Variants in RRP12 observed in about 807,000 individuals in gnomAD.
RRP12 encodes RRP12-like protein.
In RRP12, 78 loss-of-function variants were observed where a neutral mutation model predicts 157.3. The observed-to-expected ratio is 0.50, with a 90% confidence interval of 0.41 to 0.60. The LOEUF (loss-of-function observed/expected upper bound fraction) is 0.60, where lower values mean the gene tolerates loss of function less well. Ranked by LOEUF, RRP12 falls within the 20% of genes least tolerant of loss-of-function variation. The pLI is 0.00. For synonymous variants in RRP12, 726 were observed against 670.9 expected (o/e 1.08, Z -1.27); for missense variants, 1,521 against 1,679.9 (o/e 0.91, Z 1.65).
At chr10:97,370,099 T>C in intron 24 of RRP12, 68 bp downstream of exon 24, 1 of 1,133,926 alleles carries the variant, frequency 8.8e-7, no homozygotes, top group Non-Finnish European at 1.3e-6. Context: ...GGAGCCACTT[T>C]ATCCTGACCT....
intron 3 of RRP12, among the ~76,000 whole-genome samples, chr10:97,394,405 A>G (rs1844897405): frequency 6.6e-6 from 1 of 152,172 alleles, no homozygotes; most frequent in Non-Finnish European, 1.5e-5. Flanking sequence ...AGATAGATAG[A>G]TAGTTTTTTT....
Position 97,370,806 on chromosome 10 carries a change from A to G in RRP12, c.2503-10T>C. 6.2e-7 allele frequency: 1 copy of G among 1,613,466 alleles called. No homozygotes were observed. Among genetic ancestry groups the G allele is most frequent in the Non-Finnish European group, 8.5e-7 (1 of 1,179,610 alleles). ...GGCACTTCAAACGGGGCTGTGGGCA[A>G]AGGGCTACCAGTCAGGACCCCTCAA... On this transcript the variant is annotated splice_polypyrimidine_tract_variant and intron_variant, in intron 21 of 33. Coordinates refer to ENST00000370992, the MANE Select transcript of RRP12 (RefSeq NM_015179.4).
intron 5 of RRP12, 57 bp downstream of exon 5, chr10:97,390,682 C>G (rs746665355): frequency 1.4e-6 from 2 of 1,440,206 alleles, no homozygotes; most frequent in Non-Finnish European, 9.8e-7. Flanking sequence ...CTAAGCATCA[C>G]CAAATCAGAC....
chr10:97,363,819 G>T, intron 30 of RRP12, 35 bp downstream of exon 30: 2 of 1,589,628 alleles, frequency 1.3e-6, no homozygotes, highest in Non-Finnish European at 1.7e-6. Context: ...GCTTAGGTCT[G>T]AAGCCCTAGC....
At chr10:97,400,257 G>A (rs1418951266) in intron 2 of RRP12, 48 bp downstream of exon 2, 19 of 1,399,698 alleles carry the variant, frequency 1.4e-5, no homozygotes, top group East Asian at 2.3e-5. Context: ...AAAGGCATGA[G>A]TTGGCCTCTC....
At chr10:97,362,657 A>C (rs1589410308) in intron 30 of RRP12, among the ~76,000 whole-genome samples, 1 of 152,114 alleles carries the variant, frequency 6.6e-6, no homozygotes. Flanking sequence ...GAGGGGCAGG[A>C]GGGTTTTCAG....
intron 26 of RRP12, 35 bp downstream of exon 26, chr10:97,367,006 C>T: frequency 1.9e-6 from 3 of 1,612,240 alleles, no homozygotes; most frequent in Non-Finnish European, 2.5e-6. Flanking sequence ...CGGCCCCTCG[C>T]TTGCCCTACC....
chr10:97,363,798 G>A (rs905117982), intron 30 of RRP12, 56 bp downstream of exon 30: 3 of 1,475,824 alleles, frequency 2.0e-6, no homozygotes, highest in African/African-American at 2.8e-5. Context: ...GTGAGAAGCT[G>A]TGGAGCCCAG....
Position 97,381,769 on chromosome 10 carries a change from G to C in RRP12, c.1266C>G (p.Thr422=), listed in dbSNP as rs766939518. ...CTTGCGAGTGTGGGGAAAGGAGGCA[G>C]GTCACCGCAGTTCCAAAAAAGCGAG... ...HLPRFFGTAV[T]CLLSPHSQVL... The change falls in exon 11 of 34, where the codon ACC becomes ACG. Residue 422 remains threonine (T), a synonymous_variant. Coordinates refer to ENST00000370992, the MANE Select transcript of RRP12 (RefSeq NM_015179.4). 5 of 1,614,060 alleles carry C rather than the reference G, an allele frequency of 3.1e-6. No individual in the cohort carries two copies. In the African/African-American group the frequency reaches 6.7e-5, roughly 22 times the overall value.
At chr10:97,360,989 G>A (rs1022063798) in intron 30 of RRP12, among the ~76,000 whole-genome samples, 1 of 152,294 alleles carries the variant, frequency 6.6e-6, no homozygotes, top group East Asian at 1.9e-4. Flanking sequence ...AGAGAGAATA[G>A]CTTTACCAGT....
intron 23 of RRP12, 66 bp downstream of exon 23, chr10:97,370,389 T>C (rs1450607730): frequency 2.9e-6 from 4 of 1,394,956 alleles, no homozygotes; most frequent in African/African-American, 1.4e-5. Flanking sequence ...CCCACCTTTT[T>C]TGAGGGGTGC....
chr10:97,379,178 G>A (rs1844391875), intron 15 of RRP12, 115 bp downstream of exon 15: 1 of 1,258,378 alleles, frequency 7.9e-7, no homozygotes, highest in African/African-American at 1.5e-5. Context: ...GAGGGATGTT[G>A]CCAAACGTCT....
In RRP12 at chr10:97,401,311, T is replaced by G; in HGVS notation, c.-80A>C. ...GAAACACGCTCAGAACCCACGTGGA[T>G]ACCCTGTAGCCTTCACTTCCTCTTC... On this transcript the variant is annotated 5_prime_UTR_variant, in exon 1 of 34. Coordinates refer to ENST00000370992, the MANE Select transcript of RRP12 (RefSeq NM_015179.4). The G allele has an allele frequency of 2.6e-6, 4 of 1,543,998 alleles. No individual in the cohort carries two copies. Among genetic ancestry groups the G allele is most frequent in the Non-Finnish European group, 3.6e-6 (4 of 1,122,170 alleles).
At position 97,370,916 on chromosome 10, in the gene RRP12, C is replaced by A. The variant is rs1021369163; in HGVS notation, c.2502+7G>T. The A allele has an allele frequency of 3.7e-6, 6 of 1,613,840 alleles. No individual in the cohort carries two copies. In the African/African-American group the frequency reaches 6.7e-5, roughly 18 times the overall value. ...CTCGGCAGAGCGGGTGGCCCTAGAG[C>A]CCTCACCCTCTTGGCGGGTGAGGAG... is the stretch of plus-strand genomic sequence containing the variant. On this transcript the variant is annotated splice_region_variant and intron_variant, in intron 21 of 33. Transcript: ENST00000370992.
Position 97,400,323 on chromosome 10 carries a change from G to C in RRP12, c.351C>G (p.Asn117Lys). The C allele has an allele frequency of 1.2e-6, 2 of 1,613,960 alleles. No homozygotes were observed. Among genetic ancestry groups the C allele is most frequent in the South Asian group, 1.1e-5 (1 of 91,072 alleles). Residue 117 changes from asparagine to lysine, a missense_variant, in exon 2 of 34, where the codon AAC becomes AAG. Asn to Lys is a moderately conservative substitution (Grantham distance 94). Coordinates refer to ENST00000370992, the MANE Select transcript of RRP12 (RefSeq NM_015179.4). The part of the protein sequence containing the change: ...FSKVQRFWES[N>K]SAAHKEICAV... ...CCCCTACCTCCTTGTGGGCAGCCGA[G>C]TTGGACTCCCAGAAGCGCTGTACTT... is the stretch of plus-strand genomic sequence containing the variant.
chr10:97,394,453 A>C (rs1589440915), intron 3 of RRP12, among the ~76,000 whole-genome samples: 1 of 152,144 alleles, frequency 6.6e-6, no homozygotes, highest in Non-Finnish European at 1.5e-5. Context: ...GCAGTGGTAT[A>C]ATCATAGCTC....
intron 24 of RRP12, 52 bp downstream of exon 24, chr10:97,370,115 G>T: frequency 1.6e-6 from 2 of 1,260,996 alleles, no homozygotes; most frequent in Non-Finnish European, 2.2e-6. Context: ...GACCTTTTGG[G>T]CATCTTCCTA....
rs531055799 is a variant in RRP12, at chr10:97,370,529, C to T, written c.2615G>A (p.Gly872Asp). ...CAGTGCAAAAGCGTTCTTCCGTGCG[C>T]CCACCGACACCTCCTTGGTGCACAG... ...VILCTKEVSV[G>D]ARKNAFALLV... Residue 872 changes from glycine (G) to aspartate (D), a missense_variant, in exon 23 of 34, where the codon GGC becomes GAC. Coordinates refer to ENST00000370992, the MANE Select transcript of RRP12 (RefSeq NM_015179.4). The T allele has an allele frequency of 2.5e-6, 4 of 1,607,982 alleles. No homozygotes were observed. In the South Asian group the frequency reaches 4.4e-5, roughly 18 times the overall value.
At chr10:97,392,397 T>C (rs1844832560) in intron 4 of RRP12, among the ~76,000 whole-genome samples, 1 of 152,242 alleles carries the variant, frequency 6.6e-6, no homozygotes, top group South Asian at 2.1e-4. Flanking sequence ...TTGCCCAGGC[T>C]GGACTGCAGT....
Sources: allele counts gnomAD v4.1 joint callset (sites outside exome capture counted in the v4.1 genomes callset), GRCh38; gene constraint gnomAD v4.1.1; transcripts MANE v1.5; gene names NCBI Gene and HGNC (gene_info 2026-07-23, HGNC 2026-07-21).